ADAM10: variants seen among roughly 807,000 people sequenced by gnomAD.
ADAM10 encodes the protein disintegrin and metalloproteinase domain-containing protein 10.
In ADAM10, 17 loss-of-function variants were observed where a neutral mutation model predicts 90.1. The observed-to-expected ratio is 0.19, with a 90% CI of 0.13 to 0.28. ADAM10 has a LOEUF of 0.28. Among genes scored for constraint, ADAM10 ranks in the 10% least tolerant of loss-of-function variants. The pLI is 1.00. For synonymous variants in ADAM10, 310 were observed against 298.6 expected, an observed-to-expected ratio of 1.04 and a Z score of -0.40; for missense variants, 610 against 914.3, an observed-to-expected ratio of 0.67 and a Z score of 4.29.
chr15:58,641,275 T>G (rs894587909), intron 7 of ADAM10, among the ~76,000 whole-genome samples: 3 of 152,206 alleles, frequency 2.0e-5, no homozygotes, highest in Non-Finnish European at 4.4e-5. Flanking sequence ...TTTCAAAACC[T>G]TTAGTAAAGG....
chr15:58,700,554 C>A (rs1898104957), intron 2 of ADAM10, among the ~76,000 whole-genome samples: 1 of 151,818 alleles, frequency 6.6e-6, no homozygotes, highest in African/African-American at 2.4e-5. Context: ...CACGACATAC[C>A]AAAATCCATG....
At chr15:58,705,828 A>G (rs142781079) in intron 2 of ADAM10, among the ~76,000 whole-genome samples, 1 of 152,328 alleles carries the variant, frequency 6.6e-6, no homozygotes, top group African/African-American at 2.4e-5. Context: ...GGACAGTAAC[A>G]TATTTTGAGA....
chr15:58,745,994 C>A (rs535646513), intron 1 of ADAM10, among the ~76,000 whole-genome samples: 3 of 152,186 alleles, frequency 2.0e-5, no homozygotes, highest in Non-Finnish European at 4.4e-5. Flanking sequence ...GTGAATAAAA[C>A]ATATCTCTAA....
chr15:58,646,805 T>C (rs1596024952), intron 5 of ADAM10, among the ~76,000 whole-genome samples: 1 of 152,246 alleles, frequency 6.6e-6, no homozygotes, highest in Admixed American at 6.5e-5. Context: ...TATGCTCCCC[T>C]AAATATCAAC....
At chr15:58,736,801 G>A (rs1373116079) in intron 1 of ADAM10, among the ~76,000 whole-genome samples, 1 of 151,960 alleles carries the variant, frequency 6.6e-6, no homozygotes, top group East Asian at 1.9e-4. Context: ...AGAATAACTA[G>A]ATTGGATCTA....
intron 1 of ADAM10, among the ~76,000 whole-genome samples, chr15:58,723,341 T>G (rs1247205046): frequency 6.6e-6 from 1 of 151,614 alleles, no homozygotes; most frequent in East Asian, 1.9e-4. Flanking sequence ...AAACTAAGAT[T>G]GGAAGGCGGA....
intron 9 of ADAM10, among the ~76,000 whole-genome samples, chr15:58,631,917 TAGA>T (rs1896113197): frequency 6.6e-6 from 1 of 152,338 alleles, no homozygotes; most frequent in South Asian, 2.1e-4. Context: ...GATTGGGATG[TAGA>T]AGAAGAAAGA....
At position 58,599,731 on chromosome 15, in the gene ADAM10, A is replaced by ATTG. The variant is rs1332829224; in HGVS notation, c.2026-8_2026-7insCAA. 3 of 1,601,210 alleles carry ATTG rather than the reference A, an allele frequency of 1.9e-6. No homozygotes were observed. Among genetic ancestry groups the ATTG allele is most frequent in the Non-Finnish European group, 2.5e-6 (3 of 1,178,168 alleles). On this transcript the variant is annotated splice_region_variant and splice_polypyrimidine_tract_variant and intron_variant, in intron 14 of 15. Transcript: ENST00000260408. ...ATACTGCCCACCAATGAGCCTAGAA[A>ATTG]TAAACAGATTTTTCCACTGAAAAAA...
chr15:58,669,967 GAGA>G (rs1471770880), intron 4 of ADAM10, among the ~76,000 whole-genome samples: 2 of 152,228 alleles, frequency 1.3e-5, no homozygotes, highest in East Asian at 1.9e-4. Flanking sequence ...GAGTAGAGGA[GAGA>G]AGAATTACAC....
intron 1 of ADAM10, among the ~76,000 whole-genome samples, chr15:58,718,201 G>A (rs561976311): frequency 7.3e-5 from 11 of 151,344 alleles, no homozygotes; most frequent in African/African-American, 1.5e-4. Context: ...AAAAACTATC[G>A]GGAACAAATG....
intron 1 of ADAM10, among the ~76,000 whole-genome samples, chr15:58,734,048 T>C (rs1899348907): frequency 6.6e-6 from 1 of 152,064 alleles, no homozygotes; most frequent in South Asian, 2.1e-4. Context: ...ATTTCACATA[T>C]TTAAAGGGGA....
chr15:58,664,949 C>T (rs376064997), intron 5 of ADAM10, 148 bp downstream of exon 5: 103 of 675,962 alleles, frequency 1.5e-4, no homozygotes, highest in African/African-American at 1.5e-3. Flanking sequence ...ATTATTGGCA[C>T]GTTACCTGGC....
intron 2 of ADAM10, among the ~76,000 whole-genome samples, chr15:58,694,972 C>T (rs1465460093): frequency 6.6e-6 from 1 of 152,060 alleles, no homozygotes; most frequent in African/African-American, 2.4e-5. Flanking sequence ...TGGCAGTTGC[C>T]TAAGTATATA....
chr15:58,741,543 A>C (rs1162338781), intron 1 of ADAM10, among the ~76,000 whole-genome samples: 1 of 152,234 alleles, frequency 6.6e-6, no homozygotes, highest in Non-Finnish European at 1.5e-5. Context: ...GCTTCTATCC[A>C]GACTCAAAAT....
rs570842513 is a variant in ADAM10, at chr15:58,620,660, A to ATTTTTTT, written c.1511+804_1511+810dup. Reference sequence around the variant, plus strand: ...CACAATAAGTAACTAAAGAATATGTATTTTTTTTTTTTTTTTTTTGAGACG... The same window carrying ATTTTTTT: ...CACAATAAGTAACTAAAGAATATGTATTTTTTTTTTTTTTTTTTTTTTTTTTGAGACG... On this transcript the variant is annotated intron_variant, in intron 11 of 15. Coordinates refer to ENST00000260408, the MANE Select transcript of ADAM10 (RefSeq NM_001110.4). 2.4e-4 allele frequency among the ~76,000 whole-genome samples: 14 copies of ATTTTTTT among 59,414 alleles called. 4 individuals are homozygous for ATTTTTTT. The highest frequency in any genetic ancestry group is 2.3e-3 in the African/African-American group (13 of 5,596). The allele number at this position is 59,414 out of a possible 152,430, so 39.0% of individuals were successfully genotyped here.
chr15:58,659,322 T>G (rs1226915618), intron 5 of ADAM10, among the ~76,000 whole-genome samples: 2 of 152,030 alleles, frequency 1.3e-5, no homozygotes, highest in African/African-American at 4.8e-5. Context: ...GGAAAAGGAC[T>G]TAGTCTCTCA....
At chr15:58,665,685 C>A (rs1242557043) in intron 4 of ADAM10, among the ~76,000 whole-genome samples, 1 of 152,040 alleles carries the variant, frequency 6.6e-6, no homozygotes, top group East Asian at 1.9e-4. Context: ...CTACCACTTT[C>A]TCCCTTAGGA....
chr15:58,687,436 C>G (rs527962725), intron 2 of ADAM10, among the ~76,000 whole-genome samples: 11 of 152,082 alleles, frequency 7.2e-5, no homozygotes, highest in African/African-American at 2.4e-4. Flanking sequence ...ACATTACAAC[C>G]TAAAAGAATT....
intron 13 of ADAM10, 151 bp downstream of exon 13, chr15:58,610,848 A>T (rs1479195330): frequency 2.9e-6 from 2 of 694,994 alleles, no homozygotes; most frequent in East Asian, 5.4e-5. Flanking sequence ...ATAGAGACAC[A>T]ATGCTACGTT....
Sources: allele counts gnomAD v4.1 joint callset (sites outside exome capture counted in the v4.1 genomes callset), GRCh38; gene constraint gnomAD v4.1.1; transcripts MANE v1.5; gene names NCBI Gene and HGNC (gene_info 2026-07-23, HGNC 2026-07-21).